Variants in RAPGEF4 observed in about 807,000 individuals in gnomAD.
The protein encoded by RAPGEF4 is Rap guanine nucleotide exchange factor 4, also known as RAP guanine-nucleotide-exchange factor (GEF) 4.
A neutral mutation model predicts 147.9 loss-of-function variants in RAPGEF4; 66 were observed. That is an observed-to-expected ratio of 0.45 (90% CI 0.37 to 0.55). The LOEUF (loss-of-function observed/expected upper bound fraction) is 0.55, where lower values mean the gene tolerates loss of function less well. Among genes scored for constraint, RAPGEF4 ranks in the 20% least tolerant of loss-of-function variants. RAPGEF4 has a pLI of 0.00. For missense variants in RAPGEF4, 1,071 were observed against 1,257.3 expected, an observed-to-expected ratio of 0.85 and a Z score of 2.24; for synonymous variants, 419 against 442.7, an observed-to-expected ratio of 0.95 and a Z score of 0.67.
At chr2:172,793,381 A>G (rs966300016) in intron 1 of RAPGEF4, among the ~76,000 whole-genome samples, 2 of 152,176 alleles carry the variant, frequency 1.3e-5, no homozygotes, top group African/African-American at 4.8e-5. Flanking sequence ...AACACCCTTC[A>G]AAGTTGTTCC....
intron 6 of RAPGEF4, among the ~76,000 whole-genome samples, chr2:172,923,498 C>T (rs1684974076): frequency 6.6e-6 from 1 of 152,152 alleles, no homozygotes; most frequent in Admixed American, 6.5e-5. Flanking sequence ...GAACTCCTGA[C>T]CTCAAGTGAT....
At chr2:172,777,081 G>A (rs1283839173) in intron 1 of RAPGEF4, among the ~76,000 whole-genome samples, 1 of 151,998 alleles carries the variant, frequency 6.6e-6, no homozygotes, top group Non-Finnish European at 1.5e-5. Context: ...CATTTTCCTA[G>A]GCAGTTAATG....
intron 6 of RAPGEF4, among the ~76,000 whole-genome samples, chr2:172,934,344 T>G (rs1686314827): frequency 6.6e-6 from 1 of 151,892 alleles, no homozygotes; most frequent in Non-Finnish European, 1.5e-5. Flanking sequence ...AGAGACTGGG[T>G]TTCACCATGT....
chr2:172,996,440 T>C (rs767123660), intron 15 of RAPGEF4, 26 bp from the exon 16 acceptor site: 1 of 1,402,630 alleles, frequency 7.1e-7, no homozygotes, highest in Non-Finnish European at 9.6e-7. Flanking sequence ...TTTGAAAAAT[T>C]AATGGCATTT....
chr2:172,996,728 G>T (rs5010643), intron 16 of RAPGEF4, among the ~76,000 whole-genome samples, 174 bp downstream of exon 16: 1 of 152,088 alleles, frequency 6.6e-6, no homozygotes, highest in African/African-American at 2.4e-5. Context: ...TCTGACTGTC[G>T]TCTTCCCTCC....
intron 4 of RAPGEF4, among the ~76,000 whole-genome samples, chr2:172,827,742 A>T (rs1459235615): frequency 6.6e-6 from 1 of 152,202 alleles, no homozygotes; most frequent in East Asian, 1.9e-4. Context: ...TGCTGAGAGG[A>T]AGAAATGATA....
intron 4 of RAPGEF4, among the ~76,000 whole-genome samples, chr2:172,848,026 C>G (rs754109385): frequency 2.0e-5 from 3 of 152,018 alleles, no homozygotes; most frequent in Non-Finnish European, 4.4e-5. Context: ...ATCTCTGGGG[C>G]GGGCAGTAGC....
Position 172,922,295 on chromosome 2 carries a change from G to A in RAPGEF4, c.532G>A (p.Glu178Lys), listed in dbSNP as rs767389269. The A allele has an allele frequency of 1.9e-6, 3 of 1,606,754 alleles. No homozygotes were observed. The East Asian group carries it at 6.7e-5, about 36-fold the overall frequency. The change falls in exon 6 of 31, where the codon GAG becomes AAG. Residue 178 changes from glutamate (E) to lysine (K), a missense_variant. Glu to Lys is a moderately conservative substitution (Grantham distance 56, BLOSUM62 1). Coordinates refer to ENST00000397081, the MANE Select transcript of RAPGEF4 (RefSeq NM_007023.4). ...TCCTCCTTTAGGGATTCCTGACAAGGAGAACGTGAGTAGCTACTCTCTCTG... is the reference window on the plus strand; with the variant it reads ...TCCTCCTTTAGGGATTCCTGACAAGAAGAACGTGAGTAGCTACTCTCTCTG... ...GSNNDRIPDKENTPLIEPHVP... is the reference protein window; with the variant it reads ...GSNNDRIPDKKNTPLIEPHVP...
chr2:172,974,627 G>C (rs1464663317), intron 10 of RAPGEF4, among the ~76,000 whole-genome samples: 2 of 152,202 alleles, frequency 1.3e-5, no homozygotes, highest in Non-Finnish European at 2.9e-5. Context: ...AGGCTGCAGT[G>C]AGCCGTGATC....
At chr2:172,796,367 A>G (rs1160043696) in intron 2 of RAPGEF4, among the ~76,000 whole-genome samples, 2 of 152,052 alleles carry the variant, frequency 1.3e-5, no homozygotes, top group African/African-American at 4.8e-5. Flanking sequence ...GGGTGGATCA[A>G]TAGGTCAGGA....
chr2:172,822,738 C>T (rs1689205107), intron 4 of RAPGEF4, among the ~76,000 whole-genome samples: 1 of 152,182 alleles, frequency 6.6e-6, no homozygotes, highest in African/African-American at 2.4e-5. Flanking sequence ...CGAAATGCTT[C>T]CCTTGGCCGT....
At chr2:172,807,234 G>A (rs1372297414) in intron 3 of RAPGEF4, among the ~76,000 whole-genome samples, 1 of 152,196 alleles carries the variant, frequency 6.6e-6, no homozygotes, top group Non-Finnish European at 1.5e-5. Flanking sequence ...TGGGTGGTTG[G>A]ATGCAAAACT....
At chr2:172,962,800 G>C (rs1426684394) in intron 8 of RAPGEF4, among the ~76,000 whole-genome samples, 1 of 151,954 alleles carries the variant, frequency 6.6e-6, no homozygotes, top group Non-Finnish European at 1.5e-5. Flanking sequence ...TTTTTATGTT[G>C]ATATTAACTA....
At chr2:172,904,605 T>C (rs993651220) in intron 4 of RAPGEF4, among the ~76,000 whole-genome samples, 1 of 152,152 alleles carries the variant, frequency 6.6e-6, no homozygotes, top group Non-Finnish European at 1.5e-5. Context: ...AAGGCACAAA[T>C]GGGTTGAGTG....
rs375313720 is a variant in RAPGEF4 at position 172,768,956 on chromosome 2, C to T, written c.66-26069C>T. Among the ~76,000 whole-genome samples the T allele has an allele frequency of 6.1e-4, 93 of 152,278 alleles. No individual in the cohort carries two copies. The South Asian group carries it at 0.016, about 27-fold the overall frequency. On this transcript the variant is annotated intron_variant, in intron 1 of 30. Coordinates refer to ENST00000397081, the MANE Select transcript of RAPGEF4 (RefSeq NM_007023.4). ...CAGAGAACTGAATACCATCATGAGA[C>T]GACGAGCATGCCACCCACAGAAGCA... is the stretch of plus-strand genomic sequence containing the variant.
intron 6 of RAPGEF4, among the ~76,000 whole-genome samples, chr2:172,954,207 C>T (rs1688505577): frequency 6.6e-6 from 1 of 152,164 alleles, no homozygotes; most frequent in Non-Finnish European, 1.5e-5. Flanking sequence ...CTGCATTCAG[C>T]CTCCAGCAAT....
rs777850019 is a variant in RAPGEF4 at position 172,988,774 on chromosome 2, G to A, written c.1309G>A (p.Val437Ile). The change falls in exon 14 of 31, where the codon GTC becomes ATC. Residue 437 changes from valine to isoleucine, a missense_variant. Physicochemically the swap from Val to Ile is conservative, Grantham distance 29. Coordinates refer to ENST00000397081, the MANE Select transcript of RAPGEF4 (RefSeq NM_007023.4). ...TGATGCCCCACGAGCTGCCTCTATC[G>A]TCTTACGAGAAGATAACTGCCATTT... ...VNDAPRAASI[V>I]LREDNCHFLR... The A allele has an allele frequency of 4.9e-5, 79 of 1,612,708 alleles. No homozygotes were observed. Among genetic ancestry groups the A allele is most frequent in the Middle Eastern group, 3.3e-4 (2 of 6,078 alleles).
At chr2:172,748,697 C>CTTCCCAACTG (rs971947013) in intron 1 of RAPGEF4, among the ~76,000 whole-genome samples, 2 of 152,190 alleles carry the variant, frequency 1.3e-5, no homozygotes, top group Non-Finnish European at 2.9e-5. Context: ...TCAATCATGC[C>CTTCCCAACTG]TTCCCAACTG....
chr2:172,949,021 C>T (rs187689937), intron 6 of RAPGEF4, among the ~76,000 whole-genome samples: 202 of 152,248 alleles, frequency 1.3e-3, no homozygotes, highest in South Asian at 5.6e-3. Flanking sequence ...CAGATTTGAA[C>T]TGAAGGGAAA....
Sources: gnomAD v4.1 joint callset for allele counts (sites outside exome capture counted in the v4.1 genomes callset) on GRCh38, gnomAD v4.1.1 for gene constraint, MANE v1.5 for transcripts, NCBI Gene and HGNC (gene_info 2026-07-23, HGNC 2026-07-21) for gene names.